MANSC1: variants seen among roughly 807,000 people sequenced by gnomAD.
MANSC1 encodes the protein MANSC domain-containing protein 1.
A neutral mutation model predicts 14.1 loss-of-function variants in MANSC1; 13 were observed. The ratio of observed to expected loss-of-function variants is 0.92; its 90% CI spans 0.60 to 1.46. The LOEUF (loss-of-function observed/expected upper bound fraction) is 1.46. MANSC1 is among the 40% of genes most tolerant of loss of function. The pLI, the probability that MANSC1 is intolerant of heterozygous loss-of-function variation, is 0.00. For missense variants in MANSC1, 486 were observed against 511.4 expected, an observed-to-expected ratio of 0.95 and a Z score of 0.48; for synonymous variants, 227 against 200.7, an observed-to-expected ratio of 1.13 and a Z score of -1.11.
Position 12,330,040 on chromosome 12 carries a change from T to C in MANSC1, c.1283A>G (p.Tyr428Cys), listed in dbSNP as rs1380351456. The change falls in exon 4 of 4, where the codon TAT becomes TGT. Residue 428 changes from tyrosine to cysteine, a missense_variant. Coordinates refer to ENST00000535902, the MANE Select transcript of MANSC1 (RefSeq NM_018050.4). Reference sequence around the variant, plus strand: ...CGAGTTCCATCCTTAGATGTCCACATAGATCCCATTGATCAAATAATCCAG... The same window carrying C: ...CGAGTTCCATCCTTAGATGTCCACACAGATCCCATTGATCAAATAATCCAG... Reference protein sequence around the residue: ...SRLDYLINGIYVDI With the variant: ...SRLDYLINGICVDI 4 of 1,613,872 alleles carry C rather than the reference T, an allele frequency of 2.5e-6. No individual in the cohort carries two copies. The highest frequency in any genetic ancestry group is 3.3e-5 in the Admixed American group (2 of 59,974).
At chr12:12,337,333 G>A (rs373566327) in intron 3 of MANSC1, among the ~76,000 whole-genome samples, 5 of 151,700 alleles carry the variant, frequency 3.3e-5, no homozygotes, top group African/African-American at 1.2e-4. Flanking sequence ...CAAGGCAGGC[G>A]GATCACGAGG....
At chr12:12,342,234 C>T (rs1176500522) in intron 2 of MANSC1, among the ~76,000 whole-genome samples, 7 of 152,246 alleles carry the variant, frequency 4.6e-5, no homozygotes, top group Non-Finnish European at 4.4e-5. Flanking sequence ...TGATTCACCA[C>T]ACCCGGCCAT....
At chr12:12,339,461 T>C (rs1011713235) in intron 2 of MANSC1, among the ~76,000 whole-genome samples, 4 of 151,666 alleles carry the variant, frequency 2.6e-5, no homozygotes, top group African/African-American at 9.7e-5. Context: ...AGAGATGGAG[T>C]CTCTCTATAT....
intron 1 of MANSC1, among the ~76,000 whole-genome samples, chr12:12,345,637 T>C (rs147917192): frequency 6.6e-5 from 10 of 152,368 alleles, no homozygotes; most frequent in Middle Eastern, 6.8e-3. Context: ...TATCCTCACC[T>C]ATCAACCTCC....
chr12:12,335,276 A>G (rs1862843021), intron 3 of MANSC1, among the ~76,000 whole-genome samples: 1 of 149,786 alleles, frequency 6.7e-6, no homozygotes, highest in Admixed American at 6.6e-5. Flanking sequence ...TTCCATTTCC[A>G]CTTTGCTGCT....
At position 12,329,501 on chromosome 12, in the gene MANSC1, A is replaced by C. The variant is rs1340614325; in HGVS notation, c.*526T>G. On this transcript the variant is annotated 3_prime_UTR_variant, in exon 4 of 4. Coordinates refer to ENST00000535902, the MANE Select transcript of MANSC1 (RefSeq NM_018050.4). ...GCAATTATACTTTATTACTTTACAT[A>C]GAGCTTTGTTTTTAGCTAATATTTT... The C allele has an allele frequency of 6.5e-6, 1 of 152,938 alleles. No homozygotes were observed. Among genetic ancestry groups the C allele is most frequent in the African/African-American group, 2.4e-5 (1 of 41,480 alleles). The allele number at this position is 152,938 out of a possible 1,614,324, so 9.5% of individuals were successfully genotyped here. A position where few individuals can be genotyped will look rare whatever the true frequency, so the allele number is the denominator to read the frequency against.
intron 3 of MANSC1, among the ~76,000 whole-genome samples, chr12:12,335,670 C>T (rs968194172): frequency 6.6e-6 from 1 of 150,816 alleles, no homozygotes; most frequent in African/African-American, 2.4e-5. Flanking sequence ...ATGGCGAGAC[C>T]ATGTCTACTA....
intron 3 of MANSC1, among the ~76,000 whole-genome samples, chr12:12,338,047 T>C (rs78539764): frequency 0.016 from 2,390 of 152,322 alleles, 23 homozygotes; most frequent in Non-Finnish European, 0.024. Flanking sequence ...GGGAACTTAA[T>C]AACAAATATA....
rs1051914214 is a variant in MANSC1 at position 12,328,779 on chromosome 12, G to A, written c.*1248C>T. On this transcript the variant is annotated 3_prime_UTR_variant, in exon 4 of 4. Transcript: ENST00000535902. ...CGAGGCGGGCGGATCACAAGGTCAG[G>A]AGATCGAGACCATCCTGACTAACAC... 3.3e-5 allele frequency: 5 copies of A among 151,184 alleles called. No individual in the cohort carries two copies. The highest frequency in any genetic ancestry group is 5.9e-5 in the Non-Finnish European group (4 of 67,714). The allele number at this position is 151,184 out of a possible 1,614,324, so 9.4% of individuals were successfully genotyped here. A position where few individuals can be genotyped will look rare whatever the true frequency, so the allele number is the denominator to read the frequency against.
chr12:12,342,582 T>TTTTC (rs1862950002), intron 2 of MANSC1, among the ~76,000 whole-genome samples: 1 of 90,024 alleles, frequency 1.1e-5, no homozygotes, highest in African/African-American at 4.3e-5. Flanking sequence ...CAGTGTTTTT[T>TTTTC]TGTTTTTTTT....
chr12:12,347,346 G>A (rs1400810215), intron 1 of MANSC1, among the ~76,000 whole-genome samples: 2 of 152,108 alleles, frequency 1.3e-5, no homozygotes, highest in South Asian at 2.1e-4. Flanking sequence ...GGGTTCGTGC[G>A]CCGATGAGAA....
intron 3 of MANSC1, among the ~76,000 whole-genome samples, chr12:12,334,519 G>C (rs1315007988): frequency 6.6e-6 from 1 of 152,100 alleles, no homozygotes; most frequent in Non-Finnish European, 1.5e-5. Flanking sequence ...CTATGTCCGG[G>C]GTTGGTGCCA....
intron 1 of MANSC1, among the ~76,000 whole-genome samples, chr12:12,343,937 C>T (rs756225862): frequency 2.2e-4 from 34 of 151,912 alleles, no homozygotes; most frequent in Non-Finnish European, 4.4e-4. Flanking sequence ...CATGGTGAAA[C>T]CCTGTCTCTA....
At chr12:12,344,499 G>A (rs1862978807) in intron 1 of MANSC1, among the ~76,000 whole-genome samples, 1 of 149,478 alleles carries the variant, frequency 6.7e-6, no homozygotes, top group African/African-American at 2.5e-5. Flanking sequence ...TTGAGACAGA[G>A]TATTGCTGTC....
intron 1 of MANSC1, among the ~76,000 whole-genome samples, 181 bp from the exon 2 acceptor site, chr12:12,343,595 A>G (rs1402228313): frequency 1.3e-5 from 2 of 152,236 alleles, no homozygotes; most frequent in African/African-American, 4.8e-5. Context: ...ACATTTGGCA[A>G]AGAACTAATA....
intron 3 of MANSC1, among the ~76,000 whole-genome samples, chr12:12,336,094 C>T (rs145846868): frequency 4.6e-5 from 7 of 152,168 alleles, no homozygotes; most frequent in South Asian, 2.1e-4. Flanking sequence ...GCTGAGATCG[C>T]GCCACTGCAC....
chr12:12,342,700 A>G (rs1252222674), intron 2 of MANSC1, among the ~76,000 whole-genome samples: 10 of 151,072 alleles, frequency 6.6e-5, no homozygotes, highest in Admixed American at 2.7e-4. Flanking sequence ...TTCCCAAGAG[A>G]TAAGAATTCT....
Position 12,338,117 on chromosome 12 carries a change from T to C in MANSC1, c.364+303A>G, listed in dbSNP as rs534837984. On this transcript the variant is annotated intron_variant, in intron 3 of 3. Transcript: ENST00000535902. ...TTTCAAAACAATCACCCTGGAGACC[T>C]GTATACTTATTCCAGTGTTGCCGAC... is the stretch of plus-strand genomic sequence containing the variant. Among the ~76,000 whole-genome samples, 16 of 152,342 alleles carry C rather than the reference T, an allele frequency of 1.1e-4. No individual in the cohort carries two copies. In the East Asian group the frequency reaches 1.9e-3, roughly 18 times the overall value.
intron 1 of MANSC1, among the ~76,000 whole-genome samples, chr12:12,346,179 A>C (rs1456868846): frequency 8.4e-6 from 1 of 118,386 alleles, no homozygotes; most frequent in Non-Finnish European, 1.9e-5. Context: ...AGGCTGAGGC[A>C]GGAGAATGGC....
Sources: allele counts gnomAD v4.1 joint callset (sites outside exome capture counted in the v4.1 genomes callset), GRCh38; gene constraint gnomAD v4.1.1; transcripts MANE v1.5; gene names NCBI Gene and HGNC (gene_info 2026-07-23, HGNC 2026-07-21).